Variants in LGALS16 observed in about 807,000 individuals in gnomAD.
LGALS16 encodes galectin-16.
Under a neutral mutation model 13.2 loss-of-function variants are expected in LGALS16, and 15 were observed. The ratio of observed to expected loss-of-function variants is 1.13; its 90% CI spans 0.76 to 1.75. The LOEUF is 1.75. Among genes scored for constraint, LGALS16 ranks in the 40% most tolerant of loss-of-function variants. The pLI, the probability that LGALS16 is intolerant of heterozygous loss-of-function variation, is 0.00. For missense variants in LGALS16, 198 were observed against 178.4 expected (o/e 1.11, Z -0.63); for synonymous variants, 66 against 65.4 (o/e 1.01, Z -0.05).
intron 1 of LGALS16, among the ~76,000 whole-genome samples, chr19:39,656,252 T>C (rs1275106416): frequency 6.6e-6 from 1 of 152,090 alleles, no homozygotes; most frequent in Non-Finnish European, 1.5e-5. Flanking sequence ...GGGAGGTGGA[T>C]GGCACACCAG....
Position 39,658,562 on chromosome 19 carries a change from C to G in LGALS16, c.195C>G (p.Asn65Lys). The G allele has an allele frequency of 6.2e-7, 1 of 1,608,884 alleles. No homozygotes were observed. Among genetic ancestry groups the G allele is most frequent in the Non-Finnish European group, 8.5e-7 (1 of 1,179,066 alleles). Reference protein sequence around the residue: ...RVHLGRRVVMNSREFGIWMLE... With the variant: ...RVHLGRRVVMKSREFGIWMLE... ...ACTTAGGCCGTCGTGTGGTCATGAA[C>G]AGTCGTGAGTTTGGGATATGGATGT... The change falls in exon 3 of 4, where the codon AAC becomes AAG. Residue 65 changes from asparagine to lysine, a missense_variant. By Grantham distance (94) the Asn-to-Lys change is moderately conservative (BLOSUM62 0). Transcript: ENST00000392051.
Position 39,658,523 on chromosome 19 carries a change from C to G in LGALS16, c.156C>G (p.Phe52Leu). Residue 52 changes from phenylalanine (F) to leucine (L), a missense_variant, in exon 3 of 4, where the codon TTC (phenylalanine) becomes TTG (leucine). By Grantham distance (22) the Phe-to-Leu change is conservative. Transcript: ENST00000392051. ...TEMNEDSEIAFHLRVHLGRRV... is the reference protein window; with the variant it reads ...TEMNEDSEIALHLRVHLGRRV... ...TGAATGAGGACTCAGAAATTGCCTT[C>G]CATTTGCGAGTGCACTTAGGCCGTC... 1 of 1,607,512 alleles carries G rather than the reference C, an allele frequency of 6.2e-7. No homozygotes were observed. The highest frequency in any genetic ancestry group is 1.3e-5 in the African/African-American group (1 of 74,992).
chr19:39,657,948 C>A lies in LGALS16; in HGVS notation c.81C>A (p.Ile27=), dbSNP rs756730418. The stretch of plus-strand genomic sequence containing the variant: ...GCGTGATAATCAAAGGGACACTGAT[C>A]GACTCTTCTATGTGAGTACTCCATG... ...GSCVIIKGTL[I]DSSINEPQLQ... is the part of the protein sequence containing the mutation. The change falls in exon 2 of 4, where the codon ATC becomes ATA. Residue 27 remains isoleucine, a synonymous_variant. Transcript: ENST00000392051. 3 of 1,613,942 alleles carry A rather than the reference C, an allele frequency of 1.9e-6. No individual in the cohort carries two copies. The highest frequency in any genetic ancestry group is 2.5e-6 in the Non-Finnish European group (3 of 1,180,006).
rs1973190548 is a variant in LGALS16 at position 39,655,987 on chromosome 19, A to G, written c.15+11A>G. ...ATGTCATTTCTAACTGTGAGTTGAA[A>G]AGGCACAGCCTTCAATAATCTCAAG... On this transcript the variant is annotated intron_variant, in intron 1 of 3. Coordinates refer to ENST00000392051, the MANE Select transcript of LGALS16 (RefSeq NM_001190441.3). 9 of 1,613,382 alleles carry G rather than the reference A, an allele frequency of 5.6e-6. No individual in the cohort carries two copies. Among genetic ancestry groups the G allele is most frequent in the Non-Finnish European group, 7.6e-6 (9 of 1,179,746 alleles).
chr19:39,659,522 A>G (rs941314099), intron 3 of LGALS16, among the ~76,000 whole-genome samples: 1 of 152,176 alleles, frequency 6.6e-6, no homozygotes, highest in African/African-American at 2.4e-5. Context: ...TCTTGAAGAC[A>G]TTATCAATCC....
At chr19:39,656,003 T>C in intron 1 of LGALS16, 27 bp downstream of exon 1, 1 of 1,611,622 alleles carries the variant, frequency 6.2e-7, no homozygotes, top group Non-Finnish European at 8.5e-7. Context: ...CAGCCTTCAA[T>C]AATCTCAAGT....
rs1026063512 is a variant in LGALS16 at position 39,660,575 on chromosome 19, G to T, written c.*55G>T. ...TTTCTACCTGACCATGGGATTCCTA[G>T]AGCCTGCTAACAGAATAATCCCTCC... On this transcript the variant is annotated 3_prime_UTR_variant, in exon 4 of 4. Coordinates refer to ENST00000392051, the MANE Select transcript of LGALS16 (RefSeq NM_001190441.3). 3 of 1,478,312 alleles carry T rather than the reference G, an allele frequency of 2.0e-6. No homozygotes were observed. In the African/African-American group the frequency reaches 4.2e-5, roughly 20 times the overall value. 91.6% of individuals were successfully genotyped at this position (1,478,312 alleles called of 1,614,324 possible).
At chr19:39,660,181 C>G (rs1973243374) in intron 3 of LGALS16, among the ~76,000 whole-genome samples, 1 of 152,006 alleles carries the variant, frequency 6.6e-6, no homozygotes. Flanking sequence ...GAGTGTAGAA[C>G]TTCACTAGAT....
intron 2 of LGALS16, among the ~76,000 whole-genome samples, chr19:39,658,191 C>T (rs1482080053): frequency 3.3e-5 from 5 of 152,114 alleles, no homozygotes; most frequent in Non-Finnish European, 5.9e-5. Flanking sequence ...GACTGTGGCT[C>T]TTTATCAAGG....
chr19:39,660,496 GC>G lies in LGALS16; in HGVS notation c.406del (p.Val137SerfsTer13). 6.5e-7 allele frequency: 1 copy of G among 1,544,618 alleles called. No homozygotes were observed. Among genetic ancestry groups the G allele is most frequent in the South Asian group, 1.2e-5 (1 of 84,548 alleles). On this transcript the variant is annotated frameshift_variant, in exon 4 of 4. Transcript: ENST00000392051. LOFTEE classifies it high-confidence loss of function. The stretch of plus-strand genomic sequence containing the variant: ...GGAGAGATGTCTCCCTGGACTCAGT[GC>G]TTGTCAACAATGGACGGAGATGATC... Reference protein sequence around the residue: ...VWRDVSLDSVLVNNGRR With the variant: ...VWRDVSLDSVXVNNGRR
At chr19:39,656,066 T>G in intron 1 of LGALS16, 90 bp downstream of exon 1, 1 of 1,346,198 alleles carries the variant, frequency 7.4e-7, no homozygotes, top group Non-Finnish European at 1.0e-6. Flanking sequence ...AATATGAGCA[T>G]TCCTACTGTG....
intron 1 of LGALS16, 190 bp from the exon 2 acceptor site, chr19:39,657,693 G>T (rs765371922): frequency 1.5e-6 from 1 of 657,510 alleles, no homozygotes; most frequent in Non-Finnish European, 2.6e-6. Flanking sequence ...CTTGGCTCCT[G>T]AACCCTTGCT....
At chr19:39,657,228 G>A (rs1483744455) in intron 1 of LGALS16, among the ~76,000 whole-genome samples, 1 of 152,158 alleles carries the variant, frequency 6.6e-6, no homozygotes, top group African/African-American at 2.4e-5. Flanking sequence ...TCGCACCACT[G>A]CATGTCAGCC....
Position 39,658,470 on chromosome 19 carries a change from C to A in LGALS16, c.103C>A (p.Gln35Lys). 6.3e-7 allele frequency: 1 copy of A among 1,599,264 alleles called. No homozygotes were observed. Among genetic ancestry groups the A allele is most frequent in the Non-Finnish European group, 8.5e-7 (1 of 1,175,476 alleles). The change falls in exon 3 of 4, where the codon CAG becomes AAG. Residue 35 changes from glutamine to lysine, a missense_variant. Coordinates refer to ENST00000392051, the MANE Select transcript of LGALS16 (RefSeq NM_001190441.3). ...TLIDSSINEPQLQVDFYTEMN... is the reference protein window; with the variant it reads ...TLIDSSINEPKLQVDFYTEMN... Reference sequence around the variant, plus strand: ...GTGCTTTGCCCTCAGCAACGAACCACAGCTGCAGGTGGATTTCTACACTGA... The same window carrying A: ...GTGCTTTGCCCTCAGCAACGAACCAAAGCTGCAGGTGGATTTCTACACTGA...
Position 39,660,511 on chromosome 19 carries a change from A to G in LGALS16, c.420A>G (p.Gly140=). ...VSLDSVLVNN[G]RR ...TGGACTCAGTGCTTGTCAACAATGG[A>G]CGGAGATGATCACACTCCTCATTGT... Residue 140 remains glycine (G), a synonymous_variant, in exon 4 of 4, where the codon GGA becomes GGG. Transcript: ENST00000392051. The G allele has an allele frequency of 1.9e-6, 3 of 1,547,844 alleles. No individual in the cohort carries two copies. Among genetic ancestry groups the G allele is most frequent in the Non-Finnish European group, 2.6e-6 (3 of 1,151,812 alleles).
At chr19:39,658,035 G>A (rs1029415431) in intron 2 of LGALS16, 76 bp downstream of exon 2, 2 of 1,550,634 alleles carry the variant, frequency 1.3e-6, no homozygotes, top group African/African-American at 2.7e-5. Flanking sequence ...CTTATGTGTG[G>A]GTGATGTGGA....
In LGALS16 at chr19:39,655,925, G is replaced by A. The variant is rs1973189408; in HGVS notation, c.-37G>A. ...AACTCAGAGATTCACTCAGAAGACT[G>A]GACACAATTCCGAAGGTCGCCCAGA... On this transcript the variant is annotated 5_prime_UTR_variant, in exon 1 of 4. Transcript: ENST00000392051. 1 of 1,612,344 alleles carries A rather than the reference G, an allele frequency of 6.2e-7. No individual in the cohort carries two copies. The highest frequency in any genetic ancestry group is 8.5e-7 in the Non-Finnish European group (1 of 1,178,948).
chr19:39,657,451 CA>C (rs1973206683), intron 1 of LGALS16, among the ~76,000 whole-genome samples: 1 of 152,068 alleles, frequency 6.6e-6, no homozygotes. Context: ...TAAGGCAGAT[CA>C]GTGTTTCAGG....
chr19:39,660,568 A>T lies in LGALS16; in HGVS notation c.*48A>T. 6.6e-7 allele frequency: 1 copy of T among 1,510,066 alleles called. No homozygotes were observed. The highest frequency in any genetic ancestry group is 8.9e-7 in the Non-Finnish European group (1 of 1,118,700). The allele number at this position is 1,510,066 out of a possible 1,614,324, so 93.5% of individuals were successfully genotyped here. ...AACCCTCTTTCTACCTGACCATGGG[A>T]TTCCTAGAGCCTGCTAACAGAATAA... is the stretch of plus-strand genomic sequence containing the variant. On this transcript the variant is annotated 3_prime_UTR_variant, in exon 4 of 4. Coordinates refer to ENST00000392051, the MANE Select transcript of LGALS16 (RefSeq NM_001190441.3).
Sources: gnomAD v4.1 joint callset for allele counts (sites outside exome capture counted in the v4.1 genomes callset) on GRCh38, gnomAD v4.1.1 for gene constraint, MANE v1.5 for transcripts, NCBI Gene and HGNC (gene_info 2026-07-23, HGNC 2026-07-21) for gene names.